Variants in ELAVL2 observed in about 807,000 individuals in gnomAD.
ELAVL2 encodes the protein ELAV-like protein 2.
Under a neutral mutation model 34.6 loss-of-function variants are expected in ELAVL2, and 4 were observed. The ratio of observed to expected loss-of-function variants is 0.12; its 90% CI spans 0.06 to 0.26. The LOEUF is 0.26. ELAVL2 is among the 10% of genes least tolerant of loss of function. The pLI is 1.00. For missense variants in ELAVL2, 432 were observed against 442.8 expected (o/e 0.98, Z 0.22); for synonymous variants, 193 against 154.8 (o/e 1.25, Z -1.83).
At chr9:23,764,234 C>T (rs112280623) in intron 1 of ELAVL2, among the ~76,000 whole-genome samples, 4 of 152,138 alleles carry the variant, frequency 2.6e-5, no homozygotes, top group African/African-American at 7.2e-5. Context: ...ACAAGAGACC[C>T]GAATGGGAGA....
chr9:23,840,414 CCACAGGTGATT>C, the ELAVL2 span, among the ~76,000 whole-genome samples: 138 of 147,550 alleles, frequency 9.4e-4, no homozygotes, highest in South Asian at 5.8e-3. Context: ...ATGAAAAGCT[CCACAGGTGATT>C]CTGATGAACA....
At chr9:23,732,754 C>A (rs1390117232) in intron 2 of ELAVL2, among the ~76,000 whole-genome samples, 2 of 152,124 alleles carry the variant, frequency 1.3e-5, no homozygotes, top group East Asian at 3.9e-4. Context: ...GTTAGCTGTG[C>A]AACTTTGAAG....
At chr9:23,734,125 C>T (rs2047259444) in intron 2 of ELAVL2, among the ~76,000 whole-genome samples, 1 of 152,192 alleles carries the variant, frequency 6.6e-6, no homozygotes, top group South Asian at 2.1e-4. Context: ...AGACTGCATT[C>T]CTAAACCTAC....
intron 3 of ELAVL2, among the ~76,000 whole-genome samples, chr9:23,720,790 A>T (rs564708386): frequency 1.3e-5 from 2 of 152,306 alleles, no homozygotes; most frequent in South Asian, 4.1e-4. Flanking sequence ...AATCATTAAG[A>T]TCCACTGAAC....
intron 4 of ELAVL2, among the ~76,000 whole-genome samples, chr9:23,702,834 T>A (rs796765289): frequency 2.4e-4 from 37 of 151,206 alleles, no homozygotes; most frequent in African/African-American, 8.5e-4. Flanking sequence ...TTGAAAGCCT[T>A]AAGTATGAAG....
chr9:23,755,862 C>T (rs909095394), intron 2 of ELAVL2, among the ~76,000 whole-genome samples: 5 of 152,120 alleles, frequency 3.3e-5, no homozygotes, highest in Non-Finnish European at 5.9e-5. Context: ...CTGCAAGAAT[C>T]AGAATTCTTG....
Position 23,704,517 on chromosome 9 carries a change from G to A in ELAVL2, c.487+401C>T, listed in dbSNP as rs776024026. On this transcript the variant is annotated intron_variant, in intron 4 of 6. Coordinates refer to ENST00000397312, the MANE Select transcript of ELAVL2 (RefSeq NM_004432.5). ...CAGCAATTACCAGTGTGGATGTAGT[G>A]TAATCCTCCCTTGGAGAACTAGCTG... is the stretch of plus-strand genomic sequence containing the variant. Among the ~76,000 whole-genome samples, 33 of 152,132 alleles carry A rather than the reference G, an allele frequency of 2.2e-4. 1 individual carries two copies. Among genetic ancestry groups the A allele is most frequent in the Non-Finnish European group, 3.5e-4 (24 of 68,010 alleles).
chr9:23,774,230 A>G (rs1479565145), intron 1 of ELAVL2, among the ~76,000 whole-genome samples: 3 of 147,238 alleles, frequency 2.0e-5, no homozygotes, highest in South Asian at 2.1e-4. Flanking sequence ...AAAAAAAAAA[A>G]AAAAAAAAGA....
At chr9:23,773,861 G>A (rs1384685005) in intron 1 of ELAVL2, among the ~76,000 whole-genome samples, 1 of 152,028 alleles carries the variant, frequency 6.6e-6, no homozygotes, top group Non-Finnish European at 1.5e-5. Flanking sequence ...TGAACAGAGG[G>A]TATTATCATT....
chr9:23,809,277 A>G (rs2062657740), intron 1 of ELAVL2, among the ~76,000 whole-genome samples: 1 of 152,144 alleles, frequency 6.6e-6, no homozygotes. Flanking sequence ...CACAAGGACA[A>G]TATTTATACT....
Position 23,705,024 on chromosome 9 carries a change from T to C in ELAVL2, c.381A>G (p.Leu127=), listed in dbSNP as rs781492568. The C allele has an allele frequency of 5.0e-6, 8 of 1,614,026 alleles. No homozygotes were observed. The Admixed American group carries it at 1.0e-4, about 20-fold the overall frequency. ...PSSASIRDAN[L]YVSGLPKTMT... ...TTGTTTTTGGAAGTCCGCTGACATA[T>C]AAATTTGCATCTCTGATAGAAGCTG... The change falls in exon 4 of 7, where the codon TTA becomes TTG. Residue 127 remains leucine (L), a synonymous_variant. Transcript: ENST00000397312.
intron 1 of ELAVL2, among the ~76,000 whole-genome samples, chr9:23,809,226 T>C (rs187131801): frequency 1.1e-4 from 16 of 152,284 alleles, no homozygotes; most frequent in Middle Eastern, 3.4e-3. Flanking sequence ...AGAGACAATC[T>C]GATGACCTTA....
chr9:23,710,453 A>G (rs1237915752), intron 3 of ELAVL2, among the ~76,000 whole-genome samples: 1 of 152,244 alleles, frequency 6.6e-6, no homozygotes, highest in Non-Finnish European at 1.5e-5. Context: ...GATCAGTGAC[A>G]GTGGACATTA....
At chr9:23,807,773 A>G (rs2062428580) in intron 1 of ELAVL2, among the ~76,000 whole-genome samples, 5 of 152,188 alleles carry the variant, frequency 3.3e-5, no homozygotes, top group Admixed American at 3.3e-4. Context: ...AAATATTCCT[A>G]AGTTCTTACT....
At chr9:23,750,576 C>T (rs2051702001) in intron 2 of ELAVL2, among the ~76,000 whole-genome samples, 1 of 152,034 alleles carries the variant, frequency 6.6e-6, no homozygotes, top group Non-Finnish European at 1.5e-5. Flanking sequence ...TTAAAAAGAG[C>T]TAACCTAATA....
At chr9:23,713,288 C>G (rs926340191) in intron 3 of ELAVL2, among the ~76,000 whole-genome samples, 1 of 152,078 alleles carries the variant, frequency 6.6e-6, no homozygotes. Flanking sequence ...AATTTTTTAC[C>G]TGCAGAGATA....
Position 23,707,672 on chromosome 9 carries a change from G to A in ELAVL2, c.334-2601C>T, listed in dbSNP as rs576558925. Among the ~76,000 whole-genome samples the A allele has an allele frequency of 2.0e-5, 3 of 152,264 alleles. No individual in the cohort carries two copies. In the East Asian group the frequency reaches 5.8e-4, roughly 29 times the overall value. On this transcript the variant is annotated intron_variant, in intron 3 of 6. Coordinates refer to ENST00000397312, the MANE Select transcript of ELAVL2 (RefSeq NM_004432.5). ...AGGTTTAATTCATAACCAGTTCTGT[G>A]AACTTAGAACTAAGTTCTTCAAGCC...
intron 1 of ELAVL2, among the ~76,000 whole-genome samples, chr9:23,824,716 C>A (rs2065180216): frequency 6.6e-6 from 1 of 152,202 alleles, no homozygotes; most frequent in Admixed American, 6.5e-5. Flanking sequence ...CAGTAGAAAG[C>A]CAAATGATTT....
At position 23,798,507 on chromosome 9, in the gene ELAVL2, T is replaced by C. The variant is rs187733471; in HGVS notation, c.-16+27299A>G. 1.6e-3 allele frequency among the ~76,000 whole-genome samples: 241 copies of C among 152,306 alleles called. 1 individual carries two copies. Among genetic ancestry groups the C allele is most frequent in the Admixed American group, 0.012 (189 of 15,296 alleles). On this transcript the variant is annotated intron_variant, in intron 1 of 6. Transcript: ENST00000397312. Reference sequence around the variant, plus strand: ...GTAAGAACTCAAGTGAGTGAATCCATGTAGACTGCTGAGAACAGTGCCTGG... The same window carrying C: ...GTAAGAACTCAAGTGAGTGAATCCACGTAGACTGCTGAGAACAGTGCCTGG...
Sources: gnomAD v4.1 joint callset for allele counts (sites outside exome capture counted in the v4.1 genomes callset) on GRCh38, gnomAD v4.1.1 for gene constraint, MANE v1.5 for transcripts, NCBI Gene and HGNC (gene_info 2026-07-23, HGNC 2026-07-21) for gene names.